Variants in MACROD2 observed in about 807,000 individuals in gnomAD.
MACROD2 encodes mono-ADP ribosylhydrolase 2.
Under a neutral mutation model 70.4 loss-of-function variants are expected in MACROD2, and 36 were observed. The observed-to-expected ratio is 0.51, with a 90% CI of 0.39 to 0.68. MACROD2 has a LOEUF of 0.68. Among genes scored for constraint, MACROD2 ranks in the 30% least tolerant of loss-of-function variants. MACROD2 has a pLI of 0.00. For missense variants in MACROD2, 496 were observed against 538.4 expected (o/e 0.92, Z 0.78); for synonymous variants, 172 against 178.8 (o/e 0.96, Z 0.30).
intron 6 of MACROD2, among the ~76,000 whole-genome samples, chr20:15,239,760 A>T (rs2077044631): frequency 6.6e-6 from 1 of 152,214 alleles, no homozygotes; most frequent in African/African-American, 2.4e-5. Context: ...AAGCCAGGAG[A>T]AAGAAAGAAA....
chr20:15,338,435 C>G (rs1013269808), intron 6 of MACROD2, among the ~76,000 whole-genome samples: 7 of 151,422 alleles, frequency 4.6e-5, no homozygotes, highest in Admixed American at 2.0e-4. Flanking sequence ...CACCAACAAT[C>G]TTTTTCAAAA....
intron 4 of MACROD2, among the ~76,000 whole-genome samples, chr20:14,624,478 G>T (rs866261943): frequency 6.6e-6 from 1 of 152,214 alleles, no homozygotes; most frequent in African/African-American, 2.4e-5. Context: ...GGCATCTCTT[G>T]TGCAAACCCC....
At chr20:15,073,409 A>C (rs1452827356) in intron 5 of MACROD2, among the ~76,000 whole-genome samples, 4 of 151,862 alleles carry the variant, frequency 2.6e-5, no homozygotes, top group African/African-American at 9.7e-5. Flanking sequence ...AAGAAACTGC[A>C]TTAATTTTCT....
At chr20:15,455,785 G>A (rs529366720) in intron 7 of MACROD2, among the ~76,000 whole-genome samples, 20 of 152,082 alleles carry the variant, frequency 1.3e-4, no homozygotes, top group African/African-American at 4.3e-4. Flanking sequence ...GTCTGTGCTC[G>A]GTTTTCCTAC....
intron 5 of MACROD2, among the ~76,000 whole-genome samples, chr20:14,954,881 T>A (rs1480852525): frequency 1.4e-3 from 4 of 2,896 alleles, no homozygotes; most frequent in African/African-American, 2.4e-3. Context: ...TATAATTATT[T>A]AATTATATAT....
intron 3 of MACROD2, among the ~76,000 whole-genome samples, chr20:14,222,782 C>T (rs1053038486): frequency 7.3e-6 from 1 of 136,108 alleles, no homozygotes; most frequent in Non-Finnish European, 1.5e-5. Flanking sequence ...ATTTTTGACT[C>T]TACAGTTCAC....
At chr20:14,624,425 A>C (rs892136157) in intron 4 of MACROD2, among the ~76,000 whole-genome samples, 2 of 152,216 alleles carry the variant, frequency 1.3e-5, no homozygotes, top group Non-Finnish European at 2.9e-5. Flanking sequence ...TAGCAAGTTC[A>C]TGCCACAGTG....
intron 10 of MACROD2, among the ~76,000 whole-genome samples, chr20:15,889,166 T>G (rs2064858080): frequency 2.0e-5 from 3 of 152,134 alleles, no homozygotes; most frequent in Non-Finnish European, 4.4e-5. Flanking sequence ...TTCTATGGTA[T>G]AAACACAAAT....
intron 8 of MACROD2, among the ~76,000 whole-genome samples, chr20:15,648,019 C>T (rs2049579120): frequency 6.6e-6 from 1 of 152,104 alleles, no homozygotes; most frequent in African/African-American, 2.4e-5. Flanking sequence ...CCACTGTGCC[C>T]AGAGGACAAC....
At chr20:14,901,061 G>A (rs1307022688) in intron 5 of MACROD2, among the ~76,000 whole-genome samples, 1 of 151,746 alleles carries the variant, frequency 6.6e-6, no homozygotes, top group Admixed American at 6.6e-5. Flanking sequence ...ATAACCAAAG[G>A]GCATCTTTAA....
chr20:15,823,633 C>A (rs755096747), intron 8 of MACROD2, among the ~76,000 whole-genome samples: 1 of 152,166 alleles, frequency 6.6e-6, no homozygotes, highest in Non-Finnish European at 1.5e-5. Context: ...TATCAACATG[C>A]TTGGTTCGCA....
rs376631029 is a variant in MACROD2, at chr20:15,620,777, T to TTTTG, written c.645+120950_645+120953dup. Among the ~76,000 whole-genome samples, 179 of 152,170 alleles carry TTTTG rather than the reference T, an allele frequency of 1.2e-3. 1 individual carries two copies. The highest frequency in any genetic ancestry group is 4.0e-3 in the African/African-American group (165 of 41,526). On this transcript the variant is annotated intron_variant, in intron 8 of 17. Transcript: ENST00000684519. ...AGCTGTTAGAGTCACCAAGCTGTTT[T>TTTTG]TTTGTTTGTTTGTTTGTTTGTTTAC... is the stretch of plus-strand genomic sequence containing the variant.
At chr20:14,898,546 G>A (rs2073857752) in intron 5 of MACROD2, among the ~76,000 whole-genome samples, 2 of 152,204 alleles carry the variant, frequency 1.3e-5, no homozygotes, top group Non-Finnish European at 2.9e-5. Flanking sequence ...GGCCAACATG[G>A]TGAAACCCCG....
chr20:15,542,878 G>T (rs554632572), intron 8 of MACROD2, among the ~76,000 whole-genome samples: 1 of 152,204 alleles, frequency 6.6e-6, no homozygotes, highest in East Asian at 1.9e-4. Flanking sequence ...TGACATCCTT[G>T]TCCACGTCCT....
intron 3 of MACROD2, among the ~76,000 whole-genome samples, chr20:14,462,378 GTTGT>G (rs914906329): frequency 8.7e-4 from 133 of 152,136 alleles, no homozygotes; most frequent in African/African-American, 3.1e-3. Flanking sequence ...TTTTGATGGG[GTTGT>G]TTGTTTTTTT....
chr20:14,096,308 A>G (rs1217231803), intron 3 of MACROD2, among the ~76,000 whole-genome samples: 8 of 152,014 alleles, frequency 5.3e-5, no homozygotes, highest in African/African-American at 1.9e-4. Context: ...TGTGATGAAT[A>G]AATTGTAATT....
At chr20:14,132,593 A>G (rs2054732171) in intron 3 of MACROD2, among the ~76,000 whole-genome samples, 1 of 152,178 alleles carries the variant, frequency 6.6e-6, no homozygotes, top group Admixed American at 6.5e-5. Flanking sequence ...TTAATTACTT[A>G]GGGTTCTATT....
intron 8 of MACROD2, among the ~76,000 whole-genome samples, chr20:15,575,602 T>C (rs2048436606): frequency 6.6e-6 from 1 of 152,140 alleles, no homozygotes; most frequent in African/African-American, 2.4e-5. Context: ...GAGGCAACTT[T>C]TCTATAGCAC....
chr20:14,794,184 A>G (rs915269311), intron 5 of MACROD2, among the ~76,000 whole-genome samples: 9 of 152,138 alleles, frequency 5.9e-5, no homozygotes, highest in Non-Finnish European at 1.3e-4. Context: ...TTCGTCTACT[A>G]TGATATGTTC....
Sources: allele counts gnomAD v4.1 joint callset (sites outside exome capture counted in the v4.1 genomes callset), GRCh38; gene constraint gnomAD v4.1.1; transcripts MANE v1.5; gene names NCBI Gene and HGNC (gene_info 2026-07-23, HGNC 2026-07-21).